The following LINGO2 variants were observed in gnomAD, a reference collection of about 807,000 sequenced individuals.
The protein encoded by LINGO2 is leucine-rich repeat and immunoglobulin-like domain-containing nogo receptor-interacting protein 2.
LINGO2 carries 14 observed loss-of-function variants against 30.6 expected under a neutral mutation model. The observed-to-expected ratio is 0.46, with a 90% confidence interval of 0.30 to 0.72. The LOEUF is 0.72. Ranked by LOEUF, LINGO2 falls within the 30% of genes least tolerant of loss-of-function variation. LINGO2 has a pLI of 0.07. For missense variants in LINGO2, 729 were observed against 751.7 expected, an observed-to-expected ratio of 0.97 and a Z score of 0.35; for synonymous variants, 317 against 288.5, an observed-to-expected ratio of 1.10 and a Z score of -1.00.
chr9:28,880,550 G>A, the LINGO2 span, among the ~76,000 whole-genome samples: 9 of 152,150 alleles, frequency 5.9e-5, no homozygotes, highest in African/African-American at 1.4e-4. Context: ...TTGAAAGCGG[G>A]GTATTGTCCA....
At chr9:28,007,397 A>G (rs1044696955) in intron 5 of LINGO2, among the ~76,000 whole-genome samples, 2 of 152,196 alleles carry the variant, frequency 1.3e-5, no homozygotes, top group Non-Finnish European at 2.9e-5. Flanking sequence ...GTAACAGTCC[A>G]GTACCAAGTA....
chr9:29,084,940 C>T, the LINGO2 span, among the ~76,000 whole-genome samples: 20 of 151,938 alleles, frequency 1.3e-4, no homozygotes, highest in South Asian at 3.9e-3. Context: ...AATGCAATAA[C>T]TCGATAGAAA....
intron 4 of LINGO2, among the ~76,000 whole-genome samples, chr9:28,044,966 AAC>A (rs1289775893): frequency 6.6e-6 from 1 of 152,110 alleles, no homozygotes; most frequent in South Asian, 2.1e-4. Context: ...ACGAGCAGAA[AAC>A]AGTTTTCCTG....
At chr9:28,969,723 T>A in the LINGO2 span, among the ~76,000 whole-genome samples, 2 of 152,114 alleles carry the variant, frequency 1.3e-5, no homozygotes, top group Admixed American at 6.6e-5. Context: ...GATTTGCTAA[T>A]GAATTGACGT....
chr9:28,765,015 G>T, the LINGO2 span, among the ~76,000 whole-genome samples: 1 of 151,848 alleles, frequency 6.6e-6, no homozygotes, highest in African/African-American at 2.4e-5. Flanking sequence ...TAAATGAAAA[G>T]ATATCCCTTG....
chr9:28,449,169 C>T (rs537344359), intron 2 of LINGO2, among the ~76,000 whole-genome samples: 34 of 151,942 alleles, frequency 2.2e-4, no homozygotes, highest in African/African-American at 8.0e-4. Flanking sequence ...CAAGGCATCA[C>T]GCCACAGCCT....
chr9:28,639,226 T>A (rs1419071314), intron 1 of LINGO2, among the ~76,000 whole-genome samples: 4 of 152,132 alleles, frequency 2.6e-5, no homozygotes, highest in African/African-American at 4.8e-5. Context: ...TGCTGAGCAG[T>A]GCTTTACTTC....
At chr9:28,155,419 T>C (rs994588930) in intron 4 of LINGO2, among the ~76,000 whole-genome samples, 5 of 152,220 alleles carry the variant, frequency 3.3e-5, no homozygotes, top group Non-Finnish European at 5.9e-5. Context: ...CCTATTTCCT[T>C]ATGTCTACTC....
the LINGO2 span, among the ~76,000 whole-genome samples, chr9:28,944,596 G>A: frequency 1.3e-5 from 2 of 151,816 alleles, no homozygotes; most frequent in Non-Finnish European, 2.9e-5. Flanking sequence ...AGTAGAGACA[G>A]GGTTTCACCA....
At chr9:28,469,614 C>G (rs921621890) in intron 2 of LINGO2, among the ~76,000 whole-genome samples, 1 of 152,078 alleles carries the variant, frequency 6.6e-6, no homozygotes. Flanking sequence ...ATAAACCTAT[C>G]ATTGAATTTT....
intron 1 of LINGO2, among the ~76,000 whole-genome samples, chr9:28,519,668 A>G (rs10118375): frequency 0.4 from 60,209 of 152,010 alleles, 12,336 homozygotes; most frequent in East Asian, 0.54. Context: ...TACCTGCACT[A>G]TACATCCTTC....
At chr9:28,387,173 A>G (rs183126358) in intron 2 of LINGO2, among the ~76,000 whole-genome samples, 1 of 152,210 alleles carries the variant, frequency 6.6e-6, no homozygotes, top group East Asian at 1.9e-4. Context: ...AAACACACCA[A>G]TCAGCACCCT....
the LINGO2 span, among the ~76,000 whole-genome samples, chr9:28,707,498 G>A: frequency 6.6e-6 from 1 of 152,044 alleles, no homozygotes; most frequent in Non-Finnish European, 1.5e-5. Context: ...TCGCTGCACT[G>A]GGGAATTCAA....
At chr9:28,049,558 G>A (rs1240174964) in intron 4 of LINGO2, among the ~76,000 whole-genome samples, 1 of 150,610 alleles carries the variant, frequency 6.6e-6, no homozygotes, top group East Asian at 2.0e-4. Context: ...GGAAGGGCAA[G>A]GGCTTCAGGT....
At chr9:28,671,587 A>G (rs1588052749), upstream of LINGO2, among the ~76,000 whole-genome samples, 3 of 151,832 alleles carry the variant, frequency 2.0e-5, no homozygotes, top group East Asian at 5.8e-4. Flanking sequence ...TGGAAGCTAA[A>G]CAATGAGAAT....
intron 4 of LINGO2, among the ~76,000 whole-genome samples, chr9:28,028,702 T>C (rs1207870942): frequency 6.6e-6 from 1 of 152,156 alleles, no homozygotes; most frequent in African/African-American, 2.4e-5. Flanking sequence ...ATTAAAACAA[T>C]ATAAATGCCA....
chr9:28,571,854 C>T (rs1295117988), intron 1 of LINGO2, among the ~76,000 whole-genome samples: 1 of 152,060 alleles, frequency 6.6e-6, no homozygotes, highest in African/African-American at 2.4e-5. Context: ...TTAGCTATTA[C>T]TCACAGAGGA....
chr9:28,436,247 C>T (rs1367199802), intron 2 of LINGO2, among the ~76,000 whole-genome samples: 1 of 151,862 alleles, frequency 6.6e-6, no homozygotes, highest in Admixed American at 6.6e-5. Flanking sequence ...ATTTTGAGAT[C>T]CTAAGAACAT....
At chr9:28,386,790 A>T (rs1221118042) in intron 2 of LINGO2, among the ~76,000 whole-genome samples, 3 of 152,196 alleles carry the variant, frequency 2.0e-5, no homozygotes, top group Non-Finnish European at 4.4e-5. Context: ...TATGTTAAAA[A>T]TATTTGACAA....
Sources: gnomAD v4.1 joint callset for allele counts (sites outside exome capture counted in the v4.1 genomes callset) on GRCh38, gnomAD v4.1.1 for gene constraint, MANE v1.5 for transcripts, NCBI Gene and HGNC (gene_info 2026-07-23, HGNC 2026-07-21) for gene names.